ABLIM1: variants seen among roughly 807,000 people sequenced by gnomAD.
The protein encoded by ABLIM1 is actin binding LIM protein 1.
In ABLIM1, 40 loss-of-function variants were observed where a neutral mutation model predicts 107.0. The ratio of observed to expected loss-of-function variants is 0.37; its 90% CI spans 0.29 to 0.49. The LOEUF (loss-of-function observed/expected upper bound fraction) is 0.49, where lower values mean the gene tolerates loss of function less well. ABLIM1 is among the 20% of genes least tolerant of loss of function. The pLI is 0.97. For missense variants in ABLIM1, 857 were observed against 1,008.5 expected (o/e 0.85, Z 2.04); for synonymous variants, 357 against 357.3 (o/e 1.00, Z 0.01).
chr10:114,448,602 C>A (rs1356600759), intron 14 of ABLIM1, among the ~76,000 whole-genome samples: 1 of 124,774 alleles, frequency 8.0e-6, no homozygotes, highest in Middle Eastern at 3.4e-3. Flanking sequence ...CCAGATCATT[C>A]TTTTATTATT....
At chr10:114,745,639 G>T (rs1464535406) in intron 1 of ABLIM1, among the ~76,000 whole-genome samples, 1 of 152,022 alleles carries the variant, frequency 6.6e-6, no homozygotes, top group African/African-American at 2.4e-5. Context: ...AGAGGCCAAG[G>T]TGGGCAGATC....
At chr10:114,563,845 CA>C (rs11285267) in intron 4 of ABLIM1, among the ~76,000 whole-genome samples, 38,231 of 80,128 alleles carry the variant, frequency 0.48, 6,842 homozygotes, top group Non-Finnish European at 0.52. Flanking sequence ...GGCTCCGTCT[CA>C]AAAAAAAAAA....
chr10:114,726,012 T>G (rs1230040857), intron 1 of ABLIM1, among the ~76,000 whole-genome samples: 1 of 152,024 alleles, frequency 6.6e-6, no homozygotes, highest in Non-Finnish European at 1.5e-5. Context: ...CCTTTGAAAG[T>G]GGTGGGATTA....
In ABLIM1 at chr10:114,657,955, A is replaced by T; in HGVS notation, c.244+2T>A. 6.2e-7 allele frequency: 1 copy of T among 1,606,842 alleles called. No homozygotes were observed. The highest frequency in any genetic ancestry group is 8.5e-7 in the Non-Finnish European group (1 of 1,174,468). ...ATGTCCAGAGAGGGTTATTTTACTT[A>T]CCAAAAGGATCAACGCTGTTACATA... On this transcript the variant is annotated splice_donor_variant, in intron 1 of 22. Coordinates refer to ENST00000533213, the MANE Select transcript of ABLIM1 (RefSeq NM_002313.7). LOFTEE classifies it high-confidence loss of function.
At chr10:114,554,398 C>G (rs915089080) in intron 4 of ABLIM1, among the ~76,000 whole-genome samples, 7 of 152,160 alleles carry the variant, frequency 4.6e-5, no homozygotes, top group African/African-American at 1.7e-4. Flanking sequence ...GCTATGTAAT[C>G]TAAGATATCA....
At chr10:114,580,252 CATGGA>C (rs2073201433) in intron 2 of ABLIM1, among the ~76,000 whole-genome samples, 2 of 150,836 alleles carry the variant, frequency 1.3e-5, no homozygotes, top group Non-Finnish European at 2.9e-5. Flanking sequence ...TGTTGCCCAG[CATGGA>C]GTACAGTGGC....
chr10:114,547,487 A>C, intron 5 of ABLIM1, 163 bp downstream of exon 5: 69 of 811,482 alleles, frequency 8.5e-5, no homozygotes, highest in Middle Eastern at 7.3e-4. Context: ...GCAAAAGAAT[A>C]CAATTCTTTT....
chr10:114,472,259 T>C (rs1256468030), intron 10 of ABLIM1, among the ~76,000 whole-genome samples: 8 of 152,160 alleles, frequency 5.3e-5, no homozygotes, highest in Non-Finnish European at 1.2e-4. Flanking sequence ...ATTTTTCTTA[T>C]TTTTTTAATA....
intron 1 of ABLIM1, chr10:114,690,617 G>A: frequency 1.3e-6 from 1 of 784,038 alleles, no homozygotes. Context: ...TGGCAATGTT[G>A]AAGAACACCG....
intron 6 of ABLIM1, among the ~76,000 whole-genome samples, chr10:114,505,443 C>A (rs2135766027): frequency 6.6e-6 from 1 of 152,288 alleles, no homozygotes; most frequent in South Asian, 2.1e-4. Flanking sequence ...TAACAGCAAT[C>A]CAAAGAATCG....
chr10:114,584,954 T>C (rs2074023344), intron 2 of ABLIM1, among the ~76,000 whole-genome samples: 1 of 152,154 alleles, frequency 6.6e-6, no homozygotes, highest in Non-Finnish European at 1.5e-5. Context: ...ATATTAATTA[T>C]AAACAGCTCA....
intron 1 of ABLIM1, among the ~76,000 whole-genome samples, chr10:114,739,276 G>A (rs2142260827): frequency 6.6e-6 from 1 of 152,330 alleles, no homozygotes; most frequent in East Asian, 1.9e-4. Context: ...TAAAAGTAGT[G>A]ACAGAACTGA....
chr10:114,704,318 A>G lies in ABLIM1; in HGVS notation c.-213+63743T>C, dbSNP rs1343831670. ...TCTCTCTCTCTATATATATATATATATATATATATATATATATTGCGCGCG... is the reference window on the plus strand; with the variant it reads ...TCTCTCTCTCTATATATATATATATGTATATATATATATATATTGCGCGCG... On this transcript the variant is annotated intron_variant, in intron 1 of 15. Coordinates refer to the ABLIM1 transcript ENST00000651092. Among the ~76,000 whole-genome samples the G allele has an allele frequency of 6.8e-4, 55 of 80,534 alleles. No individual in the cohort carries two copies. In the South Asian group the frequency reaches 0.025, roughly 37 times the overall value. The allele number at this position is 80,534 out of a possible 152,430, so 52.8% of individuals were successfully genotyped here. A position where few individuals can be genotyped will look rare whatever the true frequency, so the allele number is the denominator to read the frequency against.
intron 20 of ABLIM1, chr10:114,439,508 AAGC>A: frequency 1.7e-6 from 1 of 573,296 alleles, no homozygotes; most frequent in Non-Finnish European, 3.1e-6. Flanking sequence ...CCATGAATGA[AAGC>A]ATATAGTACA....
chr10:114,782,830 T>C, the ABLIM1 span, among the ~76,000 whole-genome samples: 2 of 152,010 alleles, frequency 1.3e-5, no homozygotes, highest in African/African-American at 4.8e-5. Context: ...AATAAGATAT[T>C]TTGGAGGTAG....
At chr10:114,679,290 C>A (rs1414144602) in intron 1 of ABLIM1, among the ~76,000 whole-genome samples, 1 of 152,026 alleles carries the variant, frequency 6.6e-6, no homozygotes, top group Non-Finnish European at 1.5e-5. Flanking sequence ...CTTGCCAGAC[C>A]CCTGTTGTTT....
At chr10:114,571,434 G>A in intron 3 of ABLIM1, 28 bp from the exon 4 acceptor site, 2 of 1,596,438 alleles carry the variant, frequency 1.3e-6, no homozygotes, top group South Asian at 2.2e-5. Flanking sequence ...TCGCCCTCAA[G>A]GTTATTGCAG....
intron 10 of ABLIM1, 99 bp from the exon 11 acceptor site, chr10:114,468,315 C>A (rs2065640591): frequency 1.7e-6 from 2 of 1,212,006 alleles, no homozygotes; most frequent in Non-Finnish European, 2.4e-6. Context: ...CGCTCTGTCG[C>A]CCAGGCTGGA....
At chr10:114,699,964 C>T (rs887890837) in intron 1 of ABLIM1, among the ~76,000 whole-genome samples, 1 of 151,992 alleles carries the variant, frequency 6.6e-6, no homozygotes. Flanking sequence ...TTTAATGATT[C>T]TATTCTTTGT....
Sources: gnomAD v4.1 joint callset for allele counts (sites outside exome capture counted in the v4.1 genomes callset) on GRCh38, gnomAD v4.1.1 for gene constraint, MANE v1.5 for transcripts, NCBI Gene and HGNC (gene_info 2026-07-23, HGNC 2026-07-21) for gene names.